The following ADAMTS3 variants were observed in gnomAD, a reference collection of about 807,000 sequenced individuals.
ADAMTS3 encodes ADAM metallopeptidase with thrombospondin type 1 motif 3, also known as A disintegrin and metalloproteinase with thrombospondin motifs 3.
In ADAMTS3, 73 loss-of-function variants were observed where a neutral mutation model predicts 129.0. That is an observed-to-expected ratio of 0.57 (90% CI 0.47 to 0.69). ADAMTS3 has a LOEUF of 0.69. Among genes scored for constraint, ADAMTS3 ranks in the 30% least tolerant of loss-of-function variants. ADAMTS3 has a pLI of 0.00. For missense variants in ADAMTS3, 1,457 were observed against 1,514.5 expected (o/e 0.96, Z 0.63); for synonymous variants, 477 against 510.8 (o/e 0.93, Z 0.89).
intron 1 of ADAMTS3, among the ~76,000 whole-genome samples, chr4:72,568,326 G>A (rs1417657987): frequency 6.6e-6 from 1 of 152,192 alleles, no homozygotes; most frequent in Non-Finnish European, 1.5e-5. Flanking sequence ...CCCGGACCCA[G>A]CGTCCAGAAC....
intron 3 of ADAMTS3, among the ~76,000 whole-genome samples, chr4:72,436,078 G>A (rs1033256565): frequency 6.6e-6 from 1 of 151,938 alleles, no homozygotes; most frequent in African/African-American, 2.4e-5. Context: ...CCTACAGAAT[G>A]GGAGAAAATT....
chr4:72,403,138 C>T (rs1721966750), intron 4 of ADAMTS3, among the ~76,000 whole-genome samples: 1 of 151,962 alleles, frequency 6.6e-6, no homozygotes, highest in African/African-American at 2.4e-5. Flanking sequence ...TTAATTTTTC[C>T]TTTGTTTTTG....
At chr4:72,435,189 C>A (rs934428299) in intron 3 of ADAMTS3, among the ~76,000 whole-genome samples, 6 of 151,716 alleles carry the variant, frequency 4.0e-5, no homozygotes, top group African/African-American at 1.5e-4. Context: ...CATTTGATTG[C>A]AGTATGAAAG....
chr4:72,549,988 AGAAGAGGAAGAG>A lies in ADAMTS3; in HGVS notation c.98-1116_98-1105del, dbSNP rs1560563848. Among the ~76,000 whole-genome samples, 117 of 28,896 alleles carry A rather than the reference AGAAGAGGAAGAG, an allele frequency of 4.0e-3. 19 individuals are homozygous for A. Among genetic ancestry groups the A allele is most frequent in the African/African-American group, 0.018 (77 of 4,384 alleles). The allele number at this position is 28,896 out of a possible 152,430, so 19.0% of individuals were successfully genotyped here. On this transcript the variant is annotated intron_variant, in intron 2 of 21. Coordinates refer to ENST00000286657, the MANE Select transcript of ADAMTS3 (RefSeq NM_014243.3). ...AAGAAGAAGAAGAAGAAGAAGAAGA[AGAAGAGGAAGAG>A]GAAGAAGAAGAAGAAGAAGAAGAAG... is the stretch of plus-strand genomic sequence containing the variant.
At chr4:72,401,244 A>C (rs1051499483) in intron 4 of ADAMTS3, among the ~76,000 whole-genome samples, 1 of 151,910 alleles carries the variant, frequency 6.6e-6, no homozygotes, top group Middle Eastern at 3.4e-3. Flanking sequence ...GAATGATGCC[A>C]GGGTTGAGCA....
chr4:72,317,582 TA>T (rs1315270838), intron 10 of ADAMTS3, among the ~76,000 whole-genome samples: 8 of 152,002 alleles, frequency 5.3e-5, no homozygotes, highest in African/African-American at 1.9e-4. Context: ...CCATTTAACA[TA>T]TATACGTGCC....
chr4:72,524,338 T>C (rs112214031), intron 3 of ADAMTS3, among the ~76,000 whole-genome samples: 432 of 152,254 alleles, frequency 2.8e-3, no homozygotes, highest in African/African-American at 9.8e-3. Flanking sequence ...CAAACAACAC[T>C]AGATATTTTC....
chr4:72,559,193 T>C (rs1247507944), intron 2 of ADAMTS3, among the ~76,000 whole-genome samples: 10 of 151,826 alleles, frequency 6.6e-5, no homozygotes, highest in Non-Finnish European at 1.5e-4. Context: ...AATTTTGTTT[T>C]CCTTAACCTG....
chr4:72,548,220 A>G (rs945791971), intron 3 of ADAMTS3, among the ~76,000 whole-genome samples: 1 of 151,398 alleles, frequency 6.6e-6, no homozygotes. Context: ...AAACATTAAC[A>G]AAAAAAAATG....
At chr4:72,310,305 G>A (rs968522586) in intron 14 of ADAMTS3, among the ~76,000 whole-genome samples, 3 of 152,032 alleles carry the variant, frequency 2.0e-5, no homozygotes, top group African/African-American at 7.2e-5. Context: ...TGGGATGAAA[G>A]GTGGCAGGGA....
chr4:72,316,013 G>T, intron 10 of ADAMTS3, 42 bp from the exon 11 acceptor site: 3 of 1,229,822 alleles, frequency 2.4e-6, no homozygotes, highest in South Asian at 1.3e-5. Flanking sequence ...CTCTCAGCTA[G>T]CATGACATGC....
intron 3 of ADAMTS3, among the ~76,000 whole-genome samples, chr4:72,539,694 G>C (rs1347623296): frequency 6.6e-6 from 1 of 152,118 alleles, no homozygotes; most frequent in Non-Finnish European, 1.5e-5. Flanking sequence ...GGAGGTGACT[G>C]AATTATGGGG....
intron 5 of ADAMTS3, among the ~76,000 whole-genome samples, chr4:72,337,650 C>T (rs1728861746): frequency 6.6e-6 from 1 of 152,106 alleles, no homozygotes; most frequent in African/African-American, 2.4e-5. Context: ...TAAAGCCTTA[C>T]CCTCCTAAGT....
intron 3 of ADAMTS3, among the ~76,000 whole-genome samples, chr4:72,469,832 A>T (rs932549071): frequency 6.6e-6 from 1 of 152,178 alleles, no homozygotes; most frequent in Non-Finnish European, 1.5e-5. Context: ...GACTTTCTTA[A>T]TAACACTTTT....
chr4:72,340,315 A>G (rs921866510), intron 4 of ADAMTS3, among the ~76,000 whole-genome samples: 7 of 37,174 alleles, frequency 1.9e-4, no homozygotes, highest in Admixed American at 4.3e-4. Flanking sequence ...CTATATACAT[A>G]AGTGTGTGTG....
chr4:72,455,593 G>T (rs1371741596), intron 3 of ADAMTS3, among the ~76,000 whole-genome samples: 2 of 142,602 alleles, frequency 1.4e-5, no homozygotes, highest in Non-Finnish European at 3.0e-5. Context: ...TGCACATTCT[G>T]CACATGTATC....
At chr4:72,529,426 C>T (rs1720900008) in intron 3 of ADAMTS3, among the ~76,000 whole-genome samples, 1 of 151,636 alleles carries the variant, frequency 6.6e-6, no homozygotes, top group African/African-American at 2.4e-5. Context: ...ATTCTGATGC[C>T]TACTAAGATC....
At position 72,560,305 on chromosome 4, in the gene ADAMTS3, C is replaced by G. The variant is rs546261656; in HGVS notation, c.97+7069G>C. Among the ~76,000 whole-genome samples, 81 of 150,116 alleles carry G rather than the reference C, an allele frequency of 5.4e-4. 1 individual carries two copies. The highest frequency in any genetic ancestry group is 3.5e-3 in the Middle Eastern group (1 of 286). On this transcript the variant is annotated intron_variant, in intron 2 of 21. Coordinates refer to ENST00000286657, the MANE Select transcript of ADAMTS3 (RefSeq NM_014243.3). The stretch of plus-strand genomic sequence containing the variant: ...ATAGGCACAGACAAAGATTTCATAA[C>G]AAAATCACTGAAAGCAATTTCAACA...
At chr4:72,326,115 A>T (rs1719691965) in intron 5 of ADAMTS3, among the ~76,000 whole-genome samples, 1 of 152,188 alleles carries the variant, frequency 6.6e-6, no homozygotes, top group African/African-American at 2.4e-5. Flanking sequence ...AGTAGAAACC[A>T]AAATCAGTTT....
Sources: gnomAD v4.1 joint callset for allele counts (sites outside exome capture counted in the v4.1 genomes callset) on GRCh38, gnomAD v4.1.1 for gene constraint, MANE v1.5 for transcripts, NCBI Gene and HGNC (gene_info 2026-07-23, HGNC 2026-07-21) for gene names.